The following ZNF148 variants were observed in gnomAD, a reference collection of about 807,000 sequenced individuals.
The protein encoded by ZNF148 is Beta-Enolase Repressor Factor-1.
Under a neutral mutation model 67.7 loss-of-function variants are expected in ZNF148, and 7 were observed. That is an observed-to-expected ratio of 0.10 (90% CI 0.06 to 0.19). ZNF148 has a LOEUF of 0.19. Ranked by LOEUF, ZNF148 falls within the 10% of genes least tolerant of loss-of-function variation. The pLI is 1.00. For missense variants in ZNF148, 583 were observed against 947.1 expected, an observed-to-expected ratio of 0.62 and a Z score of 5.05; for synonymous variants, 333 against 330.7, an observed-to-expected ratio of 1.01 and a Z score of -0.08.
intron 3 of ZNF148, among the ~76,000 whole-genome samples, chr3:125,316,395 A>G (rs1244770562): frequency 1.3e-5 from 2 of 152,172 alleles, no homozygotes; most frequent in Admixed American, 6.5e-5. Flanking sequence ...TGCTAGCTCA[A>G]TTTTTAGTTT....
intron 7 of ZNF148, among the ~76,000 whole-genome samples, chr3:125,260,651 G>C (rs1220867348): frequency 1.3e-5 from 2 of 152,202 alleles, no homozygotes; most frequent in Non-Finnish European, 2.9e-5. Flanking sequence ...GACCCTTGGG[G>C]AGTGACAGAA....
intron 4 of ZNF148, among the ~76,000 whole-genome samples, chr3:125,303,412 G>A (rs931555787): frequency 6.6e-6 from 1 of 152,224 alleles, no homozygotes; most frequent in Non-Finnish European, 1.5e-5. Flanking sequence ...TGAGCGGCCA[G>A]TGAGCAAGCA....
intron 7 of ZNF148, among the ~76,000 whole-genome samples, chr3:125,264,664 C>T (rs1937489452): frequency 6.6e-6 from 1 of 152,210 alleles, no homozygotes. Flanking sequence ...CCAATTTCTT[C>T]TGTTTAAACA....
chr3:125,298,916 T>C (rs1217453018), intron 4 of ZNF148, among the ~76,000 whole-genome samples: 1 of 152,068 alleles, frequency 6.6e-6, no homozygotes, highest in Non-Finnish European at 1.5e-5. Context: ...CGTGAGCCAC[T>C]GCACCCAGCC....
At chr3:125,245,767 T>C (rs187860811) in intron 7 of ZNF148, among the ~76,000 whole-genome samples, 85 of 152,358 alleles carry the variant, frequency 5.6e-4, no homozygotes, top group South Asian at 3.1e-3. Context: ...TATCACATAA[T>C]ATCCTCCTAA....
At chr3:125,357,462 C>G (rs938423566) in intron 1 of ZNF148, among the ~76,000 whole-genome samples, 1 of 152,076 alleles carries the variant, frequency 6.6e-6, no homozygotes, top group Non-Finnish European at 1.5e-5. Flanking sequence ...AGCCCGTCCT[C>G]CCCCCCTTCC....
At chr3:125,236,967 G>C (rs990442646) in intron 7 of ZNF148, among the ~76,000 whole-genome samples, 2 of 152,202 alleles carry the variant, frequency 1.3e-5, no homozygotes, top group Non-Finnish European at 2.9e-5. Context: ...GGTAATGAAT[G>C]CATTAACTAA....
chr3:125,362,130 T>C (rs1942562205), intron 1 of ZNF148, among the ~76,000 whole-genome samples: 1 of 152,202 alleles, frequency 6.6e-6, no homozygotes, highest in South Asian at 2.1e-4. Flanking sequence ...AGCTATGAAA[T>C]CTTCCACAAC....
chr3:125,358,699 A>G (rs751393919), intron 1 of ZNF148, among the ~76,000 whole-genome samples: 2 of 152,232 alleles, frequency 1.3e-5, no homozygotes, highest in Non-Finnish European at 2.9e-5. Flanking sequence ...CTTAAAACTA[A>G]TTATACAACC....
chr3:125,370,115 T>C (rs76135355), intron 1 of ZNF148, among the ~76,000 whole-genome samples: 1 of 151,472 alleles, frequency 6.6e-6, no homozygotes. Flanking sequence ...AAAAAAAAAA[T>C]CTAAATTAAA....
At chr3:125,340,959 G>A (rs1272890604) in intron 1 of ZNF148, among the ~76,000 whole-genome samples, 1 of 130,416 alleles carries the variant, frequency 7.7e-6, no homozygotes, top group Non-Finnish European at 1.5e-5. Flanking sequence ...CTGCACTCCA[G>A]CCTGGGCGAC....
At chr3:125,372,084 A>T (rs550158181) in intron 1 of ZNF148, among the ~76,000 whole-genome samples, 1 of 145,128 alleles carries the variant, frequency 6.9e-6, no homozygotes. Context: ...AAAAAAAAAT[A>T]CTGCAATCTG....
At chr3:125,317,711 A>AT (rs1940585922) in intron 3 of ZNF148, among the ~76,000 whole-genome samples, 1 of 100,732 alleles carries the variant, frequency 9.9e-6, no homozygotes, top group African/African-American at 3.5e-5. Context: ...ATATATATAT[A>AT]TATTTTTTTT....
intron 1 of ZNF148, among the ~76,000 whole-genome samples, chr3:125,339,807 TTAAAAA>T (rs1411297080): frequency 6.6e-6 from 1 of 152,154 alleles, no homozygotes; most frequent in Non-Finnish European, 1.5e-5. Flanking sequence ...AAATTAAAAA[TTAAAAA>T]TAAATTTTAA....
At chr3:125,352,039 A>G (rs1002824600) in intron 1 of ZNF148, among the ~76,000 whole-genome samples, 12 of 152,182 alleles carry the variant, frequency 7.9e-5, no homozygotes, top group African/African-American at 2.9e-4. Flanking sequence ...TCACTCTTAC[A>G]TACACATATA....
At chr3:125,238,085 AC>A (rs776710811) in intron 7 of ZNF148, among the ~76,000 whole-genome samples, 4 of 151,134 alleles carry the variant, frequency 2.6e-5, no homozygotes, top group African/African-American at 9.7e-5. Context: ...ATGAAGTTAG[AC>A]CCCCCCCAAC....
intron 1 of ZNF148, among the ~76,000 whole-genome samples, chr3:125,354,192 T>A (rs13092518): frequency 0.59 from 88,941 of 151,858 alleles, 26,886 homozygotes; most frequent in Middle Eastern, 0.74. Flanking sequence ...AAAATTTTTT[T>A]AAATTTCAAT....
chr3:125,362,007 C>T (rs1362034213), intron 1 of ZNF148, among the ~76,000 whole-genome samples: 1 of 152,160 alleles, frequency 6.6e-6, no homozygotes, highest in East Asian at 1.9e-4. Flanking sequence ...ACACTGTCCT[C>T]TCCAGAATAT....
chr3:125,279,054 T>C, intron 6 of ZNF148, 70 bp downstream of exon 6: 1 of 1,449,256 alleles, frequency 6.9e-7, no homozygotes, highest in South Asian at 1.5e-5. Context: ...TGAATGACAG[T>C]TACACGAAGA....
Sources: gnomAD v4.1 joint callset for allele counts (sites outside exome capture counted in the v4.1 genomes callset) on GRCh38, gnomAD v4.1.1 for gene constraint, MANE v1.5 for transcripts, NCBI Gene and HGNC (gene_info 2026-07-23, HGNC 2026-07-21) for gene names.